The following MKLN1 variants were observed in gnomAD, a reference collection of about 807,000 sequenced individuals.
The protein encoded by MKLN1 is muskelin.
MKLN1 carries 18 observed loss-of-function variants against 99.0 expected under a neutral mutation model. The ratio of observed to expected loss-of-function variants is 0.18; its 90% CI spans 0.13 to 0.27. MKLN1 has a LOEUF of 0.27. MKLN1 is among the 10% of genes least tolerant of loss of function. The probability of loss-of-function intolerance (pLI) is 1.00; values close to 1 mark genes in which losing one functional copy is unlikely to be tolerated. For synonymous variants in MKLN1, 288 were observed against 293.2 expected (o/e 0.98, Z 0.18); for missense variants, 621 against 875.9 (o/e 0.71, Z 3.67).
intron 2 of MKLN1, among the ~76,000 whole-genome samples, chr7:131,173,853 C>A (rs1238390609): frequency 1.3e-5 from 2 of 151,876 alleles, no homozygotes; most frequent in Non-Finnish European, 1.5e-5. Flanking sequence ...CAAAACAAAA[C>A]AACAAAACAA....
chr7:131,118,891 C>T (rs1042716202), intron 1 of MKLN1, among the ~76,000 whole-genome samples: 2 of 152,216 alleles, frequency 1.3e-5, no homozygotes, highest in Non-Finnish European at 2.9e-5. Flanking sequence ...TTGGGAATTA[C>T]AATTCAACAT....
chr7:131,267,372 T>C (rs1006698607), intron 3 of MKLN1, among the ~76,000 whole-genome samples: 1 of 152,060 alleles, frequency 6.6e-6, no homozygotes, highest in African/African-American at 2.4e-5. Context: ...TATAAATAAA[T>C]GAGACTTTCT....
intron 3 of MKLN1, among the ~76,000 whole-genome samples, chr7:131,233,818 A>G (rs1261352027): frequency 2.0e-5 from 3 of 152,170 alleles, no homozygotes; most frequent in Admixed American, 6.5e-5. Flanking sequence ...ACTGAGAAGA[A>G]AAACAACAAA....
intron 1 of MKLN1, among the ~76,000 whole-genome samples, chr7:131,113,930 C>G (rs546095990): frequency 1.3e-5 from 2 of 152,316 alleles, no homozygotes; most frequent in East Asian, 3.9e-4. Flanking sequence ...CCCTCACTAT[C>G]GTGAGAACAG....
At chr7:131,427,756 A>C (rs532861419) in intron 8 of MKLN1, among the ~76,000 whole-genome samples, 4 of 152,080 alleles carry the variant, frequency 2.6e-5, no homozygotes, top group Non-Finnish European at 5.9e-5. Context: ...GAGTTTCACT[A>C]TGTTGGCCAG....
chr7:131,364,879 C>T (rs1800133666), intron 1 of MKLN1, among the ~76,000 whole-genome samples: 1 of 152,050 alleles, frequency 6.6e-6, no homozygotes, highest in African/African-American at 2.4e-5. Context: ...AGGTTGACTC[C>T]ATGTCTTTAC....
At chr7:131,340,130 C>T (rs755622966) in intron 1 of MKLN1, among the ~76,000 whole-genome samples, 3 of 151,980 alleles carry the variant, frequency 2.0e-5, no homozygotes, top group East Asian at 1.9e-4. Context: ...TGTTTATTCT[C>T]GAGCTATCAG....
At chr7:131,259,036 C>T (rs980144409) in intron 3 of MKLN1, among the ~76,000 whole-genome samples, 30 of 152,208 alleles carry the variant, frequency 2.0e-4, no homozygotes, top group South Asian at 1.9e-3. Context: ...TGCAATGATT[C>T]GCTGTACAGA....
chr7:131,327,796 G>A (rs1424736582), upstream of MKLN1: 3 of 1,455,904 alleles, frequency 2.1e-6, no homozygotes, highest in South Asian at 1.4e-5. Flanking sequence ...CGGGGAGCGC[G>A]GGCGGCCGGG....
chr7:131,416,557 G>T (rs1489665547), intron 8 of MKLN1, among the ~76,000 whole-genome samples: 1 of 145,964 alleles, frequency 6.9e-6, no homozygotes, highest in African/African-American at 2.5e-5. Context: ...GTCTTGCTCT[G>T]TCGCCCAGGC....
intron 2 of MKLN1, among the ~76,000 whole-genome samples, chr7:131,187,405 A>G (rs1023822680): frequency 8.6e-5 from 13 of 151,652 alleles, no homozygotes; most frequent in Non-Finnish European, 1.3e-4. Context: ...GTTTTTGCAT[A>G]GTAACGTATT....
chr7:131,309,370 G>A lies in MKLN1; in HGVS notation c.-178-66054G>A, dbSNP rs4731791. On this transcript the variant is annotated intron_variant, in intron 3 of 7. Transcript: ENST00000416992. ...CTTAGTAACATAGATTCTAGTTGCCGTGAATATACATTCTGAGTAGCAGCA... is the reference window on the plus strand; with the variant it reads ...CTTAGTAACATAGATTCTAGTTGCCATGAATATACATTCTGAGTAGCAGCA... 2.0e-4 allele frequency among the ~76,000 whole-genome samples: 30 copies of A among 152,202 alleles called. 1 individual carries two copies. Among genetic ancestry groups the A allele is most frequent in the Admixed American group, 4.6e-4 (7 of 15,286 alleles).
rs772223640 is a variant in MKLN1 at position 131,387,110 on chromosome 7, CT to C, written c.169-3del. On this transcript the variant is annotated splice_polypyrimidine_tract_variant and intron_variant, in intron 2 of 17. Coordinates refer to ENST00000352689, the MANE Select transcript of MKLN1 (RefSeq NM_013255.5). The stretch of plus-strand genomic sequence containing the variant: ...AGAAGAGGATATAATTTGGTCGTTT[CT>C]TTTTTTAGTACTTGATTCTAAAGCT... The C allele has an allele frequency of 9.6e-6, 15 of 1,558,740 alleles. No homozygotes were observed. In the African/African-American group the frequency reaches 1.5e-4, roughly 16 times the overall value.
At chr7:131,274,525 C>T (rs1327388671) in intron 3 of MKLN1, among the ~76,000 whole-genome samples, 2 of 151,582 alleles carry the variant, frequency 1.3e-5, no homozygotes, top group African/African-American at 4.9e-5. Flanking sequence ...TAACTGAGGT[C>T]CCAGCTACTG....
At chr7:131,484,488 A>G (rs1797218870) in intron 17 of MKLN1, among the ~76,000 whole-genome samples, 1 of 152,198 alleles carries the variant, frequency 6.6e-6, no homozygotes, top group African/African-American at 2.4e-5. Context: ...GGAGATTATA[A>G]TACTTCATTG....
intron 12 of MKLN1, among the ~76,000 whole-genome samples, chr7:131,449,287 A>T (rs1796108464): frequency 6.6e-6 from 1 of 152,212 alleles, no homozygotes; most frequent in South Asian, 2.1e-4. Flanking sequence ...ACTAGGTTAG[A>T]GCTACGGAGA....
At chr7:131,165,013 T>C (rs571452480) in intron 2 of MKLN1, among the ~76,000 whole-genome samples, 108 of 152,212 alleles carry the variant, frequency 7.1e-4, no homozygotes, top group African/African-American at 2.6e-3. Context: ...TATAATGTGG[T>C]ACAGAATGTG....
At chr7:131,242,865 G>A (rs568407355) in intron 3 of MKLN1, 33 of 665,228 alleles carry the variant, frequency 5.0e-5, no homozygotes, top group Middle Eastern at 4.5e-4. Flanking sequence ...TATCCCCTTG[G>A]ACAAAACTGT....
chr7:131,451,191 C>T (rs1033129735), intron 12 of MKLN1, among the ~76,000 whole-genome samples: 11 of 151,796 alleles, frequency 7.2e-5, no homozygotes, highest in African/African-American at 2.4e-4. Context: ...TAGAAAACAC[C>T]AATTTTATCC....
Sources: gnomAD v4.1 joint callset for allele counts (sites outside exome capture counted in the v4.1 genomes callset) on GRCh38, gnomAD v4.1.1 for gene constraint, MANE v1.5 for transcripts, NCBI Gene and HGNC (gene_info 2026-07-23, HGNC 2026-07-21) for gene names.